Variants in SDC2 observed in about 807,000 individuals in gnomAD.
SDC2 encodes the protein syndecan-2.
SDC2 carries 13 observed loss-of-function variants against 22.2 expected under a neutral mutation model. The observed-to-expected ratio is 0.59, with a 90% CI of 0.38 to 0.93. SDC2 has a LOEUF of 0.93. SDC2 is among the 40% of genes least tolerant of loss of function. SDC2 has a pLI of 0.00. For synonymous variants in SDC2, 94 were observed against 92.8 expected (o/e 1.01, Z -0.07); for missense variants, 235 against 246.8 (o/e 0.95, Z 0.32).
At chr8:96,602,997 G>C (rs1416011264) in intron 3 of SDC2, among the ~76,000 whole-genome samples, 1 of 152,060 alleles carries the variant, frequency 6.6e-6, no homozygotes, top group Non-Finnish European at 1.5e-5. Context: ...TGTAATCCTT[G>C]ACCTCTCTCG....
At chr8:96,548,643 G>T (rs892535088) in intron 1 of SDC2, among the ~76,000 whole-genome samples, 1 of 152,182 alleles carries the variant, frequency 6.6e-6, no homozygotes, top group South Asian at 2.1e-4. Flanking sequence ...CAACACTTCA[G>T]TATCTCCTTT....
At chr8:96,579,064 TTG>T (rs1329743943) in intron 1 of SDC2, among the ~76,000 whole-genome samples, 7 of 152,222 alleles carry the variant, frequency 4.6e-5, no homozygotes, top group Admixed American at 2.6e-4. Context: ...TTAAGTTTTT[TTG>T]TGTTTTGTTT....
intron 1 of SDC2, among the ~76,000 whole-genome samples, chr8:96,521,560 A>G (rs753068010): frequency 1.3e-5 from 2 of 152,202 alleles, no homozygotes; most frequent in African/African-American, 2.4e-5. Context: ...TTGTAAGAAA[A>G]GTGTGTGAGG....
At chr8:96,522,026 G>A (rs1040416452) in intron 1 of SDC2, among the ~76,000 whole-genome samples, 4 of 152,208 alleles carry the variant, frequency 2.6e-5, no homozygotes, top group African/African-American at 9.7e-5. Context: ...TGTGAGCTGA[G>A]TGTGTGTCTT....
chr8:96,574,519 C>T (rs1031745170), intron 1 of SDC2, among the ~76,000 whole-genome samples: 57 of 152,160 alleles, frequency 3.7e-4, no homozygotes, highest in African/African-American at 9.7e-4. Flanking sequence ...ACTGCCCTTC[C>T]CCACCAAGCA....
At chr8:96,574,476 A>C (rs1371675100) in intron 1 of SDC2, among the ~76,000 whole-genome samples, 1 of 152,208 alleles carries the variant, frequency 6.6e-6, no homozygotes, top group Non-Finnish European at 1.5e-5. Flanking sequence ...AATTTAAACC[A>C]CAATTGCTTC....
intron 1 of SDC2, among the ~76,000 whole-genome samples, chr8:96,505,591 C>T (rs899943159): frequency 2.4e-4 from 37 of 152,150 alleles, no homozygotes; most frequent in Non-Finnish European, 3.5e-4. Context: ...TAAGCCACCG[C>T]GCCCGGCCTG....
intron 1 of SDC2, chr8:96,585,051 T>C (rs936718300): frequency 6.6e-6 from 1 of 152,176 alleles, no homozygotes; most frequent in African/African-American, 2.4e-5. Context: ...GCTTTTATTT[T>C]GTTTTTTTCC....
chr8:96,559,642 C>T (rs577281101), intron 1 of SDC2, among the ~76,000 whole-genome samples: 1 of 152,268 alleles, frequency 6.6e-6, no homozygotes, highest in South Asian at 2.1e-4. Flanking sequence ...GTGATTCAAC[C>T]TTTGTAAATA....
At chr8:96,599,563 G>A (rs1161718866) in intron 2 of SDC2, among the ~76,000 whole-genome samples, 1 of 152,076 alleles carries the variant, frequency 6.6e-6, no homozygotes, top group Non-Finnish European at 1.5e-5. Flanking sequence ...AGTTTATATA[G>A]AATGCTTTAA....
At chr8:96,544,051 C>T (rs959597197) in intron 1 of SDC2, among the ~76,000 whole-genome samples, 16 of 152,180 alleles carry the variant, frequency 1.1e-4, no homozygotes, top group African/African-American at 3.9e-4. Flanking sequence ...GACTCTATGT[C>T]CATCACCCTA....
chr8:96,554,925 T>C (rs1814085299), intron 1 of SDC2, among the ~76,000 whole-genome samples: 1 of 152,168 alleles, frequency 6.6e-6, no homozygotes, highest in African/African-American at 2.4e-5. Flanking sequence ...GGGCCTTTCT[T>C]TGCAGAAGCT....
intron 1 of SDC2, among the ~76,000 whole-genome samples, chr8:96,568,802 A>T (rs867138382): frequency 6.6e-6 from 1 of 152,196 alleles, no homozygotes; most frequent in Non-Finnish European, 1.5e-5. Flanking sequence ...ATAAACATGT[A>T]TTGCTTCATG....
At chr8:96,598,465 A>G (rs982497723) in intron 2 of SDC2, among the ~76,000 whole-genome samples, 3 of 152,080 alleles carry the variant, frequency 2.0e-5, no homozygotes, top group Admixed American at 6.5e-5. Context: ...TAAAAATACA[A>G]AAATCAGCCA....
intron 1 of SDC2, among the ~76,000 whole-genome samples, chr8:96,584,511 C>G (rs867628943): frequency 3.9e-5 from 6 of 152,170 alleles, no homozygotes; most frequent in Non-Finnish European, 8.8e-5. Context: ...CTTCTGAATA[C>G]GAAATAAATT....
chr8:96,515,425 C>T (rs1482389157), intron 1 of SDC2, among the ~76,000 whole-genome samples: 3 of 152,136 alleles, frequency 2.0e-5, no homozygotes, highest in Non-Finnish European at 4.4e-5. Context: ...TTCTTCCTCA[C>T]AGATAAGAGG....
rs1249741172 is a variant in SDC2 at position 96,576,381 on chromosome 8, TTTG to T, written c.61-17096_61-17094del. Among the ~76,000 whole-genome samples the T allele has an allele frequency of 2.1e-4, 19 of 92,536 alleles. 1 individual carries two copies. Among genetic ancestry groups the T allele is most frequent in the African/African-American group, 5.9e-4 (14 of 23,750 alleles). 60.7% of individuals were successfully genotyped at this position (92,536 alleles called of 152,430 possible). The stretch of plus-strand genomic sequence containing the variant: ...AATTGGTAGTTTGTTTTTGTTTTGT[TTTG>T]TTTTTTTTTACCAGATTTGCTTTAT... On this transcript the variant is annotated intron_variant, in intron 1 of 4. Coordinates refer to ENST00000302190, the MANE Select transcript of SDC2 (RefSeq NM_002998.4).
At chr8:96,573,888 C>T (rs1193559962) in intron 1 of SDC2, among the ~76,000 whole-genome samples, 1 of 152,098 alleles carries the variant, frequency 6.6e-6, no homozygotes, top group African/African-American at 2.4e-5. Context: ...TCTTCTTAGT[C>T]TTATTTCACC....
chr8:96,528,048 CT>C, intron 1 of SDC2, among the ~76,000 whole-genome samples: 1 of 133,798 alleles, frequency 7.5e-6, no homozygotes, highest in African/African-American at 2.9e-5. Context: ...CTTTTCAAAA[CT>C]TTTTTTAGCG....
Sources: allele counts gnomAD v4.1 joint callset (sites outside exome capture counted in the v4.1 genomes callset), GRCh38; gene constraint gnomAD v4.1.1; transcripts MANE v1.5; gene names NCBI Gene and HGNC (gene_info 2026-07-23, HGNC 2026-07-21).